The following ADRA1B variants were observed in gnomAD, a reference collection of about 807,000 sequenced individuals.
ADRA1B encodes the protein alpha-1B adrenergic receptor.
In ADRA1B, 17 loss-of-function variants were observed where a neutral mutation model predicts 17.9. That is an observed-to-expected ratio of 0.95 (90% CI 0.65 to 1.42). ADRA1B has a LOEUF of 1.42. ADRA1B is among the 40% of genes most tolerant of loss of function. The pLI is 0.00. For missense variants in ADRA1B, 681 were observed against 722.1 expected (o/e 0.94, Z 0.65); for synonymous variants, 366 against 327.6 (o/e 1.12, Z -1.27).
At chr5:159,882,874 G>A (rs1433215691) in intron 1 of ADRA1B, among the ~76,000 whole-genome samples, 2 of 152,136 alleles carry the variant, frequency 1.3e-5, no homozygotes, top group Admixed American at 1.3e-4. Flanking sequence ...GAGAGAGAGG[G>A]AGAGAGAGAG....
chr5:159,957,897 C>T (rs1405215872), intron 1 of ADRA1B, among the ~76,000 whole-genome samples: 2 of 143,084 alleles, frequency 1.4e-5, no homozygotes, highest in Non-Finnish European at 1.5e-5. Flanking sequence ...CCATTGCACC[C>T]CAGCCTGGGC....
At chr5:159,871,536 C>T (rs1025529456) in intron 1 of ADRA1B, among the ~76,000 whole-genome samples, 1 of 152,274 alleles carries the variant, frequency 6.6e-6, no homozygotes, top group East Asian at 1.9e-4. Flanking sequence ...CTTGCAGCTC[C>T]TCCCCTGTGT....
At chr5:159,954,884 G>T (rs1369831417) in intron 1 of ADRA1B, among the ~76,000 whole-genome samples, 3 of 152,130 alleles carry the variant, frequency 2.0e-5, no homozygotes, top group Admixed American at 2.0e-4. Flanking sequence ...CCACCCAGCT[G>T]GGTGTCCTAC....
At chr5:159,980,614 A>C in the ADRA1B span, among the ~76,000 whole-genome samples, 1 of 152,178 alleles carries the variant, frequency 6.6e-6, no homozygotes, top group Non-Finnish European at 1.5e-5. Flanking sequence ...AACCTCTCTC[A>C]GCCTCCGTTT....
At chr5:159,889,479 C>G (rs1753959570) in intron 1 of ADRA1B, among the ~76,000 whole-genome samples, 1 of 152,170 alleles carries the variant, frequency 6.6e-6, no homozygotes, top group Admixed American at 6.5e-5. Flanking sequence ...AGACAAAACT[C>G]TAGATCCCTG....
chr5:159,912,014 A>G (rs1460960703), upstream of ADRA1B, among the ~76,000 whole-genome samples: 1 of 152,196 alleles, frequency 6.6e-6, no homozygotes, highest in Non-Finnish European at 1.5e-5. Flanking sequence ...TAATAATAGT[A>G]CCTACCTCAT....
chr5:159,938,891 A>G (rs539738074), intron 1 of ADRA1B, among the ~76,000 whole-genome samples: 40 of 152,182 alleles, frequency 2.6e-4, no homozygotes, highest in Admixed American at 1.8e-3. Flanking sequence ...ATGCTAAGAG[A>G]CTCTATCTAA....
chr5:159,884,571 A>G (rs1346999847), intron 1 of ADRA1B, among the ~76,000 whole-genome samples: 1 of 152,186 alleles, frequency 6.6e-6, no homozygotes, highest in Admixed American at 6.5e-5. Context: ...TAAAAAATAA[A>G]TCTTTGTTCT....
chr5:159,949,007 G>C (rs1300936632), intron 1 of ADRA1B, among the ~76,000 whole-genome samples: 15 of 152,176 alleles, frequency 9.9e-5, no homozygotes, highest in Non-Finnish European at 1.6e-4. Flanking sequence ...CAGTGACATA[G>C]ATAATAAGTA....
downstream of ADRA1B, among the ~76,000 whole-genome samples, chr5:159,974,459 A>C (rs1322712202): frequency 6.6e-6 from 1 of 152,108 alleles, no homozygotes; most frequent in Non-Finnish European, 1.5e-5. Context: ...ACAGGGTGAA[A>C]CCTCGTCTCT....
At chr5:159,948,484 TA>T (rs35712049) in intron 1 of ADRA1B, 140,066 of 983,202 alleles carry the variant, frequency 0.14, 10,586 homozygotes, top group Non-Finnish European at 0.15. Flanking sequence ...CTGGGTTAGT[TA>T]ACGTTTTATT....
chr5:159,915,747 C>T (rs913613111), upstream of ADRA1B, among the ~76,000 whole-genome samples: 13 of 152,142 alleles, frequency 8.5e-5, no homozygotes, highest in Non-Finnish European at 1.8e-4. Context: ...CACTGCATTT[C>T]CCCCTCCTTA....
At chr5:159,942,880 TAAAAGA>T (rs1755173664) in intron 1 of ADRA1B, among the ~76,000 whole-genome samples, 1 of 152,340 alleles carries the variant, frequency 6.6e-6, no homozygotes, top group South Asian at 2.1e-4. Context: ...TCTTAATTTT[TAAAAGA>T]AAAAGTATTC....
rs1755206783 is a variant in ADRA1B, at chr5:159,944,025, C to T, written c.949+26171C>T. 3.3e-5 allele frequency among the ~76,000 whole-genome samples: 5 copies of T among 152,240 alleles called. No homozygotes were observed. In the South Asian group the frequency reaches 1.0e-3, roughly 32 times the overall value. On this transcript the variant is annotated intron_variant, in intron 1 of 1. Coordinates refer to ENST00000306675, the MANE Select transcript of ADRA1B (RefSeq NM_000679.4). ...TTAAAACCAATACCTCTTTACCATT[C>T]AATGAGGTACCTTACCCAAGATTTG...
Position 159,917,466 on chromosome 5 carries a change from G to A in ADRA1B, c.561G>A (p.Pro187=), listed in dbSNP as rs781618796. 5.6e-6 allele frequency: 9 copies of A among 1,613,954 alleles called. No homozygotes were observed. Among genetic ancestry groups the A allele is most frequent in the South Asian group, 2.2e-5 (2 of 91,070 alleles). Residue 187 remains proline, a synonymous_variant, in exon 1 of 2, where the codon CCG becomes CCA. Transcript: ENST00000306675. Reference sequence around the variant, plus strand: ...GGCCTCTCCTTGGGTGGAAGGAGCCGGCACCCAACGATGACAAGGAGTGCG... The same window carrying A: ...GGCCTCTCCTTGGGTGGAAGGAGCCAGCACCCAACGATGACAAGGAGTGCG... ...SIGPLLGWKE[P]APNDDKECGV...
chr5:159,902,997 T>C lies in ADRA1B; in HGVS notation c.-255-13122T>C, dbSNP rs530058822. 1.3e-4 allele frequency among the ~76,000 whole-genome samples: 20 copies of C among 152,244 alleles called. No homozygotes were observed. In the South Asian group the frequency reaches 4.2e-3, roughly 32 times the overall value. On this transcript the variant is annotated intron_variant, in intron 1 of 2. Transcript: ENST00000641205. ...TACTTGCTTGGGAGCAGCAGGCCCA[T>C]GAATCTGTGCTGCATCCCCCGCGGT... is the stretch of plus-strand genomic sequence containing the variant.
At chr5:159,880,233 G>A (rs749318803) in intron 1 of ADRA1B, among the ~76,000 whole-genome samples, 59 of 152,114 alleles carry the variant, frequency 3.9e-4, no homozygotes, top group Non-Finnish European at 7.6e-4. Flanking sequence ...TCCCTGAAGC[G>A]GTGGCAGCAG....
At chr5:159,896,637 A>AAG (rs1333773788) in intron 1 of ADRA1B, among the ~76,000 whole-genome samples, 9 of 152,360 alleles carry the variant, frequency 5.9e-5, no homozygotes, top group African/African-American at 2.2e-4. Flanking sequence ...ATTGCATGTG[A>AAG]AGAGCATATT....
At chr5:159,897,956 C>T (rs950410249) in intron 1 of ADRA1B, among the ~76,000 whole-genome samples, 6 of 152,188 alleles carry the variant, frequency 3.9e-5, no homozygotes, top group South Asian at 2.1e-4. Context: ...ACAGAGGGCT[C>T]GGGGCTGGCA....
Sources: gnomAD v4.1 joint callset for allele counts (sites outside exome capture counted in the v4.1 genomes callset) on GRCh38, gnomAD v4.1.1 for gene constraint, MANE v1.5 for transcripts, NCBI Gene and HGNC (gene_info 2026-07-23, HGNC 2026-07-21) for gene names.